KLHL20: variants seen among roughly 807,000 people sequenced by gnomAD.
KLHL20 encodes kelch like family member 20.
A neutral mutation model predicts 69.5 loss-of-function variants in KLHL20; 29 were observed. The ratio of observed to expected loss-of-function variants is 0.42; its 90% CI spans 0.31 to 0.57. The LOEUF (loss-of-function observed/expected upper bound fraction) is 0.57, where lower values mean the gene tolerates loss of function less well. Among genes scored for constraint, KLHL20 ranks in the 20% least tolerant of loss-of-function variants. The pLI is 0.18. For missense variants in KLHL20, 419 were observed against 776.0 expected (o/e 0.54, Z 5.47); for synonymous variants, 253 against 265.2 (o/e 0.95, Z 0.45).
At chr1:173,761,197 CAT>C (rs1647279491) in intron 7 of KLHL20, among the ~76,000 whole-genome samples, 1 of 152,136 alleles carries the variant, frequency 6.6e-6, no homozygotes, top group Non-Finnish European at 1.5e-5. Context: ...TAGTCTTAAA[CAT>C]ACATGCACCT....
intron 2 of KLHL20, among the ~76,000 whole-genome samples, chr1:173,728,887 C>T (rs1449730163): frequency 6.6e-6 from 1 of 152,096 alleles, no homozygotes; most frequent in Admixed American, 6.5e-5. Flanking sequence ...CAGAGCAGAA[C>T]TGAAGGAAAT....
chr1:173,733,727 G>T lies in KLHL20; in HGVS notation c.38G>T (p.Arg13Leu), dbSNP rs768943719. ...GKPMRRCTNI[R>L]PGETGMDVTS... ...CATTCCTATAGGTGTACCAACATTC[G>T]ACCAGGAGAGACTGGAATGGATGTA... The change falls in exon 3 of 12, where the codon CGA becomes CTA. Residue 13 changes from arginine (R) to leucine (L), a missense_variant. This residue lies in a region of KLHL20 where 129 missense variants were observed against 183.6 expected (regional missense o/e 0.70). Transcript: ENST00000209884. 9 of 1,612,818 alleles carry T rather than the reference G, an allele frequency of 5.6e-6. No homozygotes were observed. The East Asian group carries it at 1.6e-4, about 28-fold the overall frequency.
chr1:173,727,116 C>T (rs1672009984), intron 2 of KLHL20, among the ~76,000 whole-genome samples: 1 of 151,638 alleles, frequency 6.6e-6, no homozygotes, highest in African/African-American at 2.4e-5. Context: ...GCCTCAGTAG[C>T]TGATTCAATC....
chr1:173,739,185 G>A (rs550665302), intron 3 of KLHL20, among the ~76,000 whole-genome samples: 5 of 152,138 alleles, frequency 3.3e-5, no homozygotes, highest in African/African-American at 1.2e-4. Context: ...CGATTCTCCT[G>A]CCTTAGCCTC....
chr1:173,770,379 G>A (rs1369894672), intron 8 of KLHL20, among the ~76,000 whole-genome samples: 5 of 152,030 alleles, frequency 3.3e-5, no homozygotes, highest in South Asian at 2.1e-4. Flanking sequence ...AATAGAAGGC[G>A]AAAAGAGGAA....
chr1:173,747,720 A>G (rs1673128769), intron 3 of KLHL20, among the ~76,000 whole-genome samples: 1 of 151,756 alleles, frequency 6.6e-6, no homozygotes, highest in African/African-American at 2.4e-5. Flanking sequence ...TATTTACTGT[A>G]TTTCTTTTTC....
chr1:173,732,094 G>A (rs1672308795), intron 2 of KLHL20, among the ~76,000 whole-genome samples: 1 of 152,044 alleles, frequency 6.6e-6, no homozygotes, highest in Non-Finnish European at 1.5e-5. Context: ...CTACTTGGGA[G>A]GCTGAGGCAG....
intron 11 of KLHL20, among the ~76,000 whole-genome samples, chr1:173,783,634 A>G (rs1195682977): frequency 2.0e-5 from 3 of 152,120 alleles, no homozygotes; most frequent in Non-Finnish European, 4.4e-5. Flanking sequence ...TTGGGAGACC[A>G]AGGTGGGCGG....
intron 3 of KLHL20, 72 bp downstream of exon 3, chr1:173,734,358 C>T: frequency 8.0e-7 from 1 of 1,255,688 alleles, no homozygotes; most frequent in Non-Finnish European, 1.2e-6. Context: ...TGCTAAATAA[C>T]ACTTGCCTGG....
At position 173,741,914 on chromosome 1, in the gene KLHL20, G is replaced by A. The variant is rs563042302; in HGVS notation, c.597+7628G>A. 26 of 1,277,588 alleles carry A rather than the reference G, an allele frequency of 2.0e-5. No homozygotes were observed. The East Asian group carries it at 5.8e-4, about 29-fold the overall frequency. 79.1% of individuals were successfully genotyped at this position (1,277,588 alleles called of 1,614,324 possible). On this transcript the variant is annotated intron_variant, in intron 3 of 11. Coordinates refer to ENST00000209884, the MANE Select transcript of KLHL20 (RefSeq NM_014458.4). Reference sequence around the variant, plus strand: ...GGCTTACAAGAAGGATGTTCCTTCAGATGAAAGCAGCACTAAAAGCACTCT... The same window carrying A: ...GGCTTACAAGAAGGATGTTCCTTCAAATGAAAGCAGCACTAAAAGCACTCT...
At chr1:173,754,069 G>A (rs1164459001) in intron 5 of KLHL20, among the ~76,000 whole-genome samples, 1 of 152,138 alleles carries the variant, frequency 6.6e-6, no homozygotes, top group African/African-American at 2.4e-5. Flanking sequence ...CTCCCTTGGT[G>A]ATTAAAGACA....
At chr1:173,717,598 A>G (rs996937739) in intron 2 of KLHL20, among the ~76,000 whole-genome samples, 1 of 152,234 alleles carries the variant, frequency 6.6e-6, no homozygotes, top group African/African-American at 2.4e-5. Flanking sequence ...CTCAGTTGCT[A>G]TTAAAGAAGC....
chr1:173,772,243 C>G (rs911030411), intron 8 of KLHL20, among the ~76,000 whole-genome samples: 7 of 152,174 alleles, frequency 4.6e-5, no homozygotes, highest in Non-Finnish European at 8.8e-5. Context: ...AGGAAATGTG[C>G]AGATGAGTCT....
chr1:173,778,009 A>G (rs778261693), intron 10 of KLHL20, among the ~76,000 whole-genome samples: 1 of 152,116 alleles, frequency 6.6e-6, no homozygotes, highest in Non-Finnish European at 1.5e-5. Flanking sequence ...TAAATATTTG[A>G]TAAGATTCAG....
At chr1:173,760,390 A>G (rs1673748146) in intron 7 of KLHL20, among the ~76,000 whole-genome samples, 1 of 152,200 alleles carries the variant, frequency 6.6e-6, no homozygotes, top group East Asian at 1.9e-4. Flanking sequence ...ATTCATCACA[A>G]AAAGATCTTT....
Position 173,766,236 on chromosome 1 carries a change from T to G in KLHL20, c.1242T>G (p.Phe414Leu), listed in dbSNP as rs754139630. 22 of 1,611,870 alleles carry G rather than the reference T, an allele frequency of 1.4e-5. No individual in the cohort carries two copies. The South Asian group carries it at 2.0e-4, about 15-fold the overall frequency. Reference sequence around the variant, plus strand: ...TTGGTGTAGCAGTACTTGGAGGCTTTCTTTATGCTGTGGGTGGCCAGGATG... The same window carrying G: ...TTGGTGTAGCAGTACTTGGAGGCTTGCTTTATGCTGTGGGTGGCCAGGATG... ...TSVGVAVLGG[F>L]LYAVGGQDGV... The change falls in exon 8 of 12, where the codon TTT becomes TTG. Residue 414 changes from phenylalanine to leucine, a missense_variant. This residue lies in a region of KLHL20 where 32 missense variants were observed against 98.9 expected (regional missense o/e 0.32). Coordinates refer to ENST00000209884, the MANE Select transcript of KLHL20 (RefSeq NM_014458.4).
chr1:173,776,054 G>A (rs1305765630), intron 10 of KLHL20, among the ~76,000 whole-genome samples: 2 of 152,306 alleles, frequency 1.3e-5, no homozygotes, highest in Non-Finnish European at 2.9e-5. Flanking sequence ...CCCACCAGCA[G>A]TGTAGGAGGG....
chr1:173,779,849 G>C (rs1648741073), intron 10 of KLHL20, among the ~76,000 whole-genome samples: 1 of 152,148 alleles, frequency 6.6e-6, no homozygotes, highest in Non-Finnish European at 1.5e-5. Context: ...ACTAGTTTGA[G>C]TCTATCCTAT....
intron 9 of KLHL20, 108 bp from the exon 10 acceptor site, chr1:173,775,526 C>G (rs1200743716): frequency 4.5e-6 from 4 of 879,244 alleles, no homozygotes; most frequent in Non-Finnish European, 7.2e-6. Context: ...AAAATCAGAT[C>G]ATGTGTTGAA....
Sources: gnomAD v4.1 joint callset for allele counts (sites outside exome capture counted in the v4.1 genomes callset) on GRCh38, gnomAD v4.1.1 for gene constraint, gnomAD v4.1.1 regional missense constraint, MANE v1.5 for transcripts, NCBI Gene and HGNC (gene_info 2026-07-23, HGNC 2026-07-21) for gene names.